The following TENM2 variants were observed in gnomAD, a reference collection of about 807,000 sequenced individuals.
TENM2 encodes teneurin transmembrane protein 2, also known as teneurin-2.
In TENM2, 52 loss-of-function variants were observed where a neutral mutation model predicts 245.2. The ratio of observed to expected loss-of-function variants is 0.21; its 90% CI spans 0.17 to 0.27. The LOEUF (loss-of-function observed/expected upper bound fraction) is 0.27. Among genes scored for constraint, TENM2 ranks in the 10% least tolerant of loss-of-function variants. The pLI, the probability that TENM2 is intolerant of heterozygous loss-of-function variation, is 1.00. For synonymous variants in TENM2, 1,363 were observed against 1,438.9 expected (o/e 0.95, Z 1.19); for missense variants, 3,046 against 3,666.8 (o/e 0.83, Z 4.37).
chr5:167,856,376 G>T (rs973906523), intron 2 of TENM2, among the ~76,000 whole-genome samples: 2 of 152,160 alleles, frequency 1.3e-5, no homozygotes, highest in Non-Finnish European at 2.9e-5. Flanking sequence ...TGTTGGGAAT[G>T]GTTATAGACT....
At chr5:167,057,191 T>C in the TENM2 span, among the ~76,000 whole-genome samples, 1 of 152,194 alleles carries the variant, frequency 6.6e-6, no homozygotes, top group African/African-American at 2.4e-5. Context: ...TTAATTTTTT[T>C]CCTGAAATTT....
chr5:167,132,932 C>T, the TENM2 span, among the ~76,000 whole-genome samples: 1 of 152,210 alleles, frequency 6.6e-6, no homozygotes, highest in Non-Finnish European at 1.5e-5. Flanking sequence ...AGTGTGGAAG[C>T]TCTCTTAGGA....
rs1446011420 is a variant in TENM2, at chr5:168,195,157, C to T, written c.2781-19C>T. 1.3e-6 allele frequency: 2 copies of T among 1,575,420 alleles called. No homozygotes were observed. Among genetic ancestry groups the T allele is most frequent in the Non-Finnish European group, 1.7e-6 (2 of 1,158,326 alleles). On this transcript the variant is annotated intron_variant, in intron 14 of 28. Transcript: ENST00000518659. ...TCTCCTGCATGTGGCTCAAAGACCT[C>T]TGTTTCTGTCTTTCTCAGCTTGGTT... is the stretch of plus-strand genomic sequence containing the variant.
the TENM2 span, among the ~76,000 whole-genome samples, chr5:167,217,544 A>G: frequency 6.6e-6 from 1 of 151,954 alleles, no homozygotes; most frequent in Non-Finnish European, 1.5e-5. Flanking sequence ...CAAATGTCAG[A>G]GCTGCATATT....
the TENM2 span, among the ~76,000 whole-genome samples, chr5:167,127,654 A>G: frequency 2.0e-5 from 3 of 151,822 alleles, no homozygotes; most frequent in Middle Eastern, 3.4e-3. Flanking sequence ...AAAGGAAAAA[A>G]AAAAGCCACT....
chr5:167,616,791 A>T (rs542849687), intron 2 of TENM2, among the ~76,000 whole-genome samples: 3 of 152,210 alleles, frequency 2.0e-5, no homozygotes, highest in African/African-American at 7.2e-5. Flanking sequence ...AAAAAGGGCA[A>T]TGCATGTTTA....
At chr5:168,064,949 C>T (rs1790367418) in intron 7 of TENM2, among the ~76,000 whole-genome samples, 1 of 152,302 alleles carries the variant, frequency 6.6e-6, no homozygotes, top group South Asian at 2.1e-4. Flanking sequence ...ATTTGATGAA[C>T]TACATTTCCT....
chr5:167,232,025 CTGTGGTTGCACAG>C, the TENM2 span, among the ~76,000 whole-genome samples: 184 of 152,324 alleles, frequency 1.2e-3, no homozygotes, highest in Admixed American at 1.6e-3. Flanking sequence ...GGTATTAGAC[CTGTGGTTGCACAG>C]AAGTCAGTAA....
intron 1 of TENM2, among the ~76,000 whole-genome samples, chr5:167,344,827 G>A (rs1758360492): frequency 6.6e-6 from 1 of 151,964 alleles, no homozygotes; most frequent in African/African-American, 2.4e-5. Context: ...TTGCTTCCTG[G>A]AGTCCCCACA....
chr5:168,118,322 G>C (rs1795230461), exon 10 of TENM2: 1 of 1,605,978 alleles, frequency 6.2e-7, no homozygotes, highest in Non-Finnish European at 8.5e-7. Flanking sequence ...AGTGGGAATG[G>C]ACAATATTCT....
intron 24 of TENM2, among the ~76,000 whole-genome samples, chr5:168,226,891 G>T (rs1250130147): frequency 6.6e-6 from 1 of 152,232 alleles, no homozygotes; most frequent in Non-Finnish European, 1.5e-5. Context: ...TATAATGTCG[G>T]TGGGCTAGCC....
chr5:167,919,035 A>G (rs144693876), intron 3 of TENM2, among the ~76,000 whole-genome samples: 3 of 152,284 alleles, frequency 2.0e-5, no homozygotes, highest in East Asian at 1.9e-4. Context: ...ATAATGCTCC[A>G]GTACTTTGAT....
At chr5:167,040,029 G>T in the TENM2 span, among the ~76,000 whole-genome samples, 1 of 152,112 alleles carries the variant, frequency 6.6e-6, no homozygotes, top group Non-Finnish European at 1.5e-5. Context: ...ACAGCCTTCT[G>T]TCTGGCAGCA....
chr5:167,928,909 A>G (rs539439558), intron 3 of TENM2, among the ~76,000 whole-genome samples: 2 of 146,928 alleles, frequency 1.4e-5, no homozygotes, highest in African/African-American at 2.5e-5. Flanking sequence ...AAAAAAAAAA[A>G]AAAAAAGAAG....
At chr5:167,084,343 A>ATATATATG in the TENM2 span, among the ~76,000 whole-genome samples, 3 of 98,036 alleles carry the variant, frequency 3.1e-5, no homozygotes, top group African/African-American at 1.0e-4. Context: ...ATATATATAT[A>ATATATATG]TATATATATA....
At chr5:167,591,284 G>C (rs1206216829) in intron 2 of TENM2, among the ~76,000 whole-genome samples, 1 of 152,170 alleles carries the variant, frequency 6.6e-6, no homozygotes, top group Non-Finnish European at 1.5e-5. Flanking sequence ...GACTTGTTTG[G>C]TTTGTTTGAA....
chr5:167,732,774 T>A (rs902634499), intron 2 of TENM2, among the ~76,000 whole-genome samples: 7 of 152,206 alleles, frequency 4.6e-5, no homozygotes, highest in African/African-American at 1.7e-4. Flanking sequence ...TCTGAACCAA[T>A]CTTTCCGATT....
the TENM2 span, among the ~76,000 whole-genome samples, chr5:167,234,133 C>A: frequency 6.6e-6 from 1 of 152,096 alleles, no homozygotes; most frequent in South Asian, 2.1e-4. Context: ...GAGACTGGTT[C>A]CCCCGAGTTA....
chr5:167,622,416 A>C (rs1778235425), intron 2 of TENM2, among the ~76,000 whole-genome samples: 2 of 152,150 alleles, frequency 1.3e-5, no homozygotes, highest in African/African-American at 4.8e-5. Flanking sequence ...ATGAATTGAG[A>C]TTCAGGGTAA....
Sources: gnomAD v4.1 joint callset for allele counts (sites outside exome capture counted in the v4.1 genomes callset) on GRCh38, gnomAD v4.1.1 for gene constraint, MANE v1.5 for transcripts, NCBI Gene and HGNC (gene_info 2026-07-23, HGNC 2026-07-21) for gene names.